The following DDB2 variants were observed in gnomAD, a reference collection of about 807,000 sequenced individuals.
The protein encoded by DDB2 is damage specific DNA binding protein 2, also known as DNA damage-binding protein 2.
In DDB2, 27 loss-of-function variants were observed where a neutral mutation model predicts 50.5. The ratio of observed to expected loss-of-function variants is 0.53; its 90% CI spans 0.39 to 0.74. The LOEUF (loss-of-function observed/expected upper bound fraction) is 0.74. Among genes scored for constraint, DDB2 ranks in the 30% least tolerant of loss-of-function variants. The pLI, the probability that DDB2 is intolerant of heterozygous loss-of-function variation, is 0.00. For missense variants in DDB2, 424 were observed against 545.6 expected (o/e 0.78, Z 2.22); for synonymous variants, 176 against 205.5 (o/e 0.86, Z 1.23).
chr11:47,231,119 C>CAAAAAAAAAAAAAAA (rs139290057), intron 3 of DDB2, among the ~76,000 whole-genome samples: 11 of 58,352 alleles, frequency 1.9e-4, no homozygotes, highest in Admixed American at 2.4e-4. Flanking sequence ...GCCTTCATCT[C>CAAAAAAAAAAAAAAA]AAAAAAAAAA....
chr11:47,222,408 A>G (rs1056225571), intron 3 of DDB2, among the ~76,000 whole-genome samples: 1 of 151,708 alleles, frequency 6.6e-6, no homozygotes, highest in South Asian at 2.1e-4. Context: ...CCCAGGGATG[A>G]TCATGGTTCA....
chr11:47,216,421 G>T lies in DDB2; in HGVS notation c.213G>T (p.Arg71Ser). 1 of 1,614,050 alleles carries T rather than the reference G, an allele frequency of 6.2e-7. No individual in the cohort carries two copies. The highest frequency in any genetic ancestry group is 8.5e-7 in the Non-Finnish European group (1 of 1,180,038). The change falls in exon 2 of 10, where the codon AGG becomes AGT. Residue 71 changes from arginine to serine, a missense_variant. Physicochemically the swap from Arg to Ser is moderately radical, Grantham distance 110. Coordinates refer to ENST00000256996, the MANE Select transcript of DDB2 (RefSeq NM_000107.3). ...TGCCACCATGCCGCAGCATCGTCAG[G>T]ACCCTCCACCAGCATAAGCTGGGCA... ...QILPPCRSIV[R>S]TLHQHKLGRA...
At chr11:47,235,122 GT>G in intron 6 of DDB2, 147 bp from the exon 7 acceptor site, 2 of 1,352,270 alleles carry the variant, frequency 1.5e-6, no homozygotes, top group Non-Finnish European at 2.1e-6. Flanking sequence ...TTTTTTTGTT[GT>G]TGTTCACAGC....
chr11:47,239,028 A>G lies in DDB2; in HGVS notation c.*179A>G. 1 of 625,710 alleles carries G rather than the reference A, an allele frequency of 1.6e-6. No homozygotes were observed. The highest frequency in any genetic ancestry group is 2.8e-6 in the Non-Finnish European group (1 of 354,598). 38.8% of individuals were successfully genotyped at this position (625,710 alleles called of 1,614,324 possible). A position where few individuals can be genotyped will look rare whatever the true frequency, so the allele number is the denominator to read the frequency against. On this transcript the variant is annotated 3_prime_UTR_variant, in exon 10 of 10. Transcript: ENST00000256996. ...GGACACTTTTATGTTAATGCTCTGG[A>G]CTTGCCTCCAGAGACTGCTCCAGAG...
At chr11:47,215,412 C>T in intron 1 of DDB2, 149 bp downstream of exon 1, 2 of 1,145,880 alleles carry the variant, frequency 1.7e-6, no homozygotes, top group Admixed American at 3.6e-5. Flanking sequence ...GGTCCTTTGA[C>T]ACCAGAGTGT....
intron 3 of DDB2, 113 bp from the exon 4 acceptor site, chr11:47,232,701 C>T: frequency 6.2e-6 from 7 of 1,137,414 alleles, no homozygotes; most frequent in Non-Finnish European, 9.4e-6. Flanking sequence ...GCTGACCTGG[C>T]CCCAAGCGCT....
intron 2 of DDB2, 134 bp downstream of exon 2, chr11:47,216,606 C>T: frequency 7.6e-7 from 1 of 1,323,454 alleles, no homozygotes; most frequent in Non-Finnish European, 1.1e-6. Flanking sequence ...GGTGACTGGC[C>T]TACTGGGCAC....
chr11:47,217,904 T>C (rs900972691), intron 3 of DDB2, among the ~76,000 whole-genome samples: 2 of 152,118 alleles, frequency 1.3e-5, no homozygotes, highest in African/African-American at 4.8e-5. Flanking sequence ...AAAAAAGAAT[T>C]GAAGCCCCTT....
At chr11:47,233,666 G>A (rs1484661642) in intron 4 of DDB2, among the ~76,000 whole-genome samples, 5 of 150,680 alleles carry the variant, frequency 3.3e-5, no homozygotes, top group South Asian at 4.2e-4. Context: ...CCGAGATGGC[G>A]CCATTGCACT....
intron 3 of DDB2, chr11:47,221,890 A>T (rs762875417): frequency 2.0e-5 from 3 of 152,196 alleles, no homozygotes; most frequent in Admixed American, 2.0e-4. Flanking sequence ...CTGGGTTTTT[A>T]AAATTATATC....
intron 4 of DDB2, 28 bp downstream of exon 4, chr11:47,232,987 G>A (rs778251026): frequency 3.7e-6 from 6 of 1,613,616 alleles, no homozygotes; most frequent in Non-Finnish European, 5.1e-6. Context: ...CAGGGGAAAG[G>A]GCTTCTAAGC....
intron 3 of DDB2, chr11:47,229,813 CTCTTCTTTTTTTTTTTTTTTT>C (rs770839762): frequency 2.6e-6 from 1 of 381,554 alleles, no homozygotes; most frequent in Admixed American, 3.8e-5. Flanking sequence ...AATTTGATGG[CTCTTCTTTTTTTTTTTTTTTT>C]TCTTCTTCCT....
intron 3 of DDB2, chr11:47,220,381 G>A (rs1184118373): frequency 6.6e-6 from 1 of 152,224 alleles, no homozygotes. Context: ...TAGGACATGG[G>A]AATAGAGGAA....
Position 47,215,102 on chromosome 11 carries a change from C to CA in DDB2, c.-34dup. 6.2e-7 allele frequency: 1 copy of CA among 1,613,940 alleles called. No individual in the cohort carries two copies. The highest frequency in any genetic ancestry group is 8.5e-7 in the Non-Finnish European group (1 of 1,179,924). On this transcript the variant is annotated 5_prime_UTR_variant, in exon 1 of 10. An upstream open reading frame in the 5' UTR loses its in-frame stop. Transcript: ENST00000256996. The stretch of plus-strand genomic sequence containing the variant: ...CTCAATCCTCCCTCCATGATCTTCG[C>CA]ATAGAGCACAGTACCCCTTCACACG...
In DDB2 at chr11:47,237,943, G is replaced by C; in HGVS notation, c.1130G>C (p.Gly377Ala). The change falls in exon 8 of 10, where the codon GGA becomes GCA. Residue 377 changes from glycine to alanine, a missense_variant. Coordinates refer to ENST00000256996, the MANE Select transcript of DDB2 (RefSeq NM_000107.3). ...YELRTIDVFDGNSGKMMCQLY... is the reference protein window; with the variant it reads ...YELRTIDVFDANSGKMMCQLY... ...TTGAGGACGATCGACGTGTTCGATG[G>C]AAACTCAGGGAAGATGATGTGTCAG... 2.5e-6 allele frequency: 4 copies of C among 1,614,148 alleles called. No individual in the cohort carries two copies. Among genetic ancestry groups the C allele is most frequent in the Non-Finnish European group, 3.4e-6 (4 of 1,180,042 alleles).
At position 47,217,062 on chromosome 11, in the gene DDB2, C is replaced by A. The variant is rs1269328407; in HGVS notation, c.456+13C>A. ...CTTCATCAAAGGGGTGAGCAGTTCCCCATGCCAGGTCGTGCTAAAGAAGTG... is the reference window on the plus strand; with the variant it reads ...CTTCATCAAAGGGGTGAGCAGTTCCACATGCCAGGTCGTGCTAAAGAAGTG... On this transcript the variant is annotated intron_variant, in intron 3 of 9. Transcript: ENST00000256996. The A allele has an allele frequency of 1.2e-6, 2 of 1,611,222 alleles. No individual in the cohort carries two copies. Among genetic ancestry groups the A allele is most frequent in the African/African-American group, 1.3e-5 (1 of 74,842 alleles).
In DDB2 at chr11:47,234,766, C is replaced by T. The variant is rs1591001061; in HGVS notation, c.712C>T (p.Leu238Phe). The change falls in exon 6 of 10, where the codon CTC becomes TTC. Residue 238 changes from leucine (L) to phenylalanine (F), a missense_variant. Transcript: ENST00000256996. ...GAGCTCTTCTCTGCAGCTTTGGAAT[C>T]TCAGAATGCACAAAAAGAAAGTGAC... ...LNMDGKELWN[L>F]RMHKKKVTHV... The T allele has an allele frequency of 2.5e-6, 4 of 1,614,192 alleles. No individual in the cohort carries two copies. The highest frequency in any genetic ancestry group is 3.4e-6 in the Non-Finnish European group (4 of 1,180,032).
intron 3 of DDB2, among the ~76,000 whole-genome samples, chr11:47,226,256 C>T (rs1359680424): frequency 6.6e-6 from 1 of 151,498 alleles, no homozygotes; most frequent in Non-Finnish European, 1.5e-5. Flanking sequence ...AACTTCTCTA[C>T]TTCCCCACCA....
chr11:47,228,055 G>A lies in DDB2; in HGVS notation c.457-4759G>A, dbSNP rs529187209. Among the ~76,000 whole-genome samples the A allele has an allele frequency of 2.7e-5, 4 of 147,256 alleles. No homozygotes were observed. In the East Asian group the frequency reaches 8.2e-4, roughly 30 times the overall value. Reference sequence around the variant, plus strand: ...CCCGGGAGGTTGAGGCAAGAGAATCGTTTGAACTTGGGAAGTGGAGGTTGC... The same window carrying A: ...CCCGGGAGGTTGAGGCAAGAGAATCATTTGAACTTGGGAAGTGGAGGTTGC... On this transcript the variant is annotated intron_variant, in intron 3 of 9. Coordinates refer to ENST00000256996, the MANE Select transcript of DDB2 (RefSeq NM_000107.3).
Sources: gnomAD v4.1 joint callset for allele counts (sites outside exome capture counted in the v4.1 genomes callset) on GRCh38, gnomAD v4.1.1 for gene constraint, MANE v1.5 for transcripts, NCBI Gene and HGNC (gene_info 2026-07-23, HGNC 2026-07-21) for gene names.